The following TSEN2 variants were observed in gnomAD, a reference collection of about 807,000 sequenced individuals.
TSEN2 encodes tRNA-splicing endonuclease subunit Sen2.
TSEN2 carries 54 observed loss-of-function variants against 59.2 expected under a neutral mutation model. The observed-to-expected ratio is 0.91, with a 90% confidence interval of 0.73 to 1.14. The LOEUF (loss-of-function observed/expected upper bound fraction) is 1.14, where lower values mean the gene tolerates loss of function less well. Ranked by LOEUF, TSEN2 falls within the 50% of genes most tolerant of loss-of-function variation. The probability of loss-of-function intolerance (pLI) is 0.00; values close to 1 mark genes in which losing one functional copy is unlikely to be tolerated. For synonymous variants in TSEN2, 195 were observed against 198.2 expected (o/e 0.98, Z 0.14); for missense variants, 636 against 576.2 (o/e 1.10, Z -1.06).
At chr3:12,524,288 C>G (rs891072246) in intron 8 of TSEN2, among the ~76,000 whole-genome samples, 2 of 152,142 alleles carry the variant, frequency 1.3e-5, no homozygotes, top group African/African-American at 4.8e-5. Context: ...CTTTTAGTTT[C>G]CTAGGGCTTA....
chr3:12,480,950 T>C (rs1255505476), upstream of TSEN2, among the ~76,000 whole-genome samples: 2 of 152,178 alleles, frequency 1.3e-5, no homozygotes, highest in African/African-American at 4.8e-5. Context: ...AATGACACCA[T>C]GGGCATGTGC....
At chr3:12,518,781 A>G (rs1165878570) in intron 7 of TSEN2, among the ~76,000 whole-genome samples, 2 of 150,270 alleles carry the variant, frequency 1.3e-5, no homozygotes, top group Admixed American at 6.7e-5. Flanking sequence ...CAGACTAGCT[A>G]TGTATGGCTG....
chr3:12,500,110 G>A (rs967739399), intron 4 of TSEN2, among the ~76,000 whole-genome samples: 1 of 152,130 alleles, frequency 6.6e-6, no homozygotes, highest in East Asian at 1.9e-4. Flanking sequence ...GCTTCCAGTC[G>A]TGGCTGCTGC....
At chr3:12,501,112 C>T (rs1444989825) in intron 4 of TSEN2, among the ~76,000 whole-genome samples, 1 of 152,206 alleles carries the variant, frequency 6.6e-6, no homozygotes, top group African/African-American at 2.4e-5. Flanking sequence ...TTAGACCCCT[C>T]ACATGAAAGT....
intron 4 of TSEN2, among the ~76,000 whole-genome samples, chr3:12,501,588 A>G (rs1224828952): frequency 1.3e-5 from 2 of 152,048 alleles, no homozygotes; most frequent in Non-Finnish European, 2.9e-5. Context: ...GAGATATAGC[A>G]GTTTGTAAAC....
At chr3:12,534,141 A>G (rs2057613513), downstream of TSEN2, among the ~76,000 whole-genome samples, 3 of 152,172 alleles carry the variant, frequency 2.0e-5, no homozygotes, top group African/African-American at 7.2e-5. Flanking sequence ...TTAACAAGGA[A>G]GGCCACCCAC....
chr3:12,521,738 G>A (rs1001132342), intron 8 of TSEN2, among the ~76,000 whole-genome samples: 6 of 151,104 alleles, frequency 4.0e-5, no homozygotes, highest in African/African-American at 4.9e-5. Flanking sequence ...TAGGCTGGGC[G>A]CGGTGGCTCA....
At chr3:12,504,178 G>A (rs1212781402) in intron 5 of TSEN2, among the ~76,000 whole-genome samples, 1 of 152,196 alleles carries the variant, frequency 6.6e-6, no homozygotes, top group Non-Finnish European at 1.5e-5. Context: ...TTACCCTAGA[G>A]CTGTCTGGAA....
intron 3 of TSEN2, among the ~76,000 whole-genome samples, chr3:12,493,387 G>A (rs1219764499): frequency 6.6e-6 from 1 of 152,108 alleles, no homozygotes; most frequent in Non-Finnish European, 1.5e-5. Context: ...CACCAGCAAT[G>A]CACCAAAGGT....
intron 8 of TSEN2, among the ~76,000 whole-genome samples, chr3:12,526,420 A>G (rs974450795): frequency 6.6e-6 from 1 of 152,142 alleles, no homozygotes; most frequent in Non-Finnish European, 1.5e-5. Flanking sequence ...TTGTGTTATA[A>G]TTGTCTACAG....
At chr3:12,529,029 C>T in intron 9 of TSEN2, 105 bp downstream of exon 9, 1 of 1,154,712 alleles carries the variant, frequency 8.7e-7, no homozygotes, top group Non-Finnish European at 1.3e-6. Context: ...CATGTTCTTC[C>T]TGGCCTGATA....
At chr3:12,528,762 A>G (rs2057271596) in intron 8 of TSEN2, 126 bp from the exon 9 acceptor site, 4 of 935,692 alleles carry the variant, frequency 4.3e-6, no homozygotes, top group Non-Finnish European at 6.7e-6. Flanking sequence ...CTGTCTACAT[A>G]TAGATTATTG....
chr3:12,525,899 A>G (rs185404160), intron 8 of TSEN2, among the ~76,000 whole-genome samples: 67 of 152,178 alleles, frequency 4.4e-4, no homozygotes, highest in African/African-American at 1.6e-3. Context: ...AAACATGCGA[A>G]TAATCCGTTG....
Position 12,503,539 on chromosome 3 carries a change from G to A in TSEN2, c.586G>A (p.Gly196Ser), listed in dbSNP as rs1356062096. Residue 196 changes from glycine to serine, a missense_variant, in exon 5 of 12, where the codon GGC (glycine) becomes AGC (serine). By Grantham distance (56) the Gly-to-Ser change is moderately conservative. Coordinates refer to ENST00000284995, the MANE Select transcript of TSEN2 (RefSeq NM_025265.4). The stretch of plus-strand genomic sequence containing the variant: ...TGAGCCATTAGGCTGCCTGCAGGAG[G>A]GCTCTGGCTGCCACCCAACAACAGA... ...PREPLGCLQEGSGCHPTTESF... is the reference protein window; with the variant it reads ...PREPLGCLQESSGCHPTTESF... 1.2e-6 allele frequency: 2 copies of A among 1,612,136 alleles called. No individual in the cohort carries two copies. The highest frequency in any genetic ancestry group is 8.5e-7 in the Non-Finnish European group (1 of 1,178,322).
downstream of TSEN2, among the ~76,000 whole-genome samples, chr3:12,536,749 C>G (rs2057681222): frequency 6.6e-6 from 1 of 152,020 alleles, no homozygotes; most frequent in Admixed American, 6.5e-5. Context: ...GCCTATAATC[C>G]TAGCACTTTG....
intron 8 of TSEN2, among the ~76,000 whole-genome samples, chr3:12,527,039 G>A (rs2057138787): frequency 6.6e-6 from 1 of 152,236 alleles, no homozygotes; most frequent in Non-Finnish European, 1.5e-5. Context: ...ACTTGAAGAG[G>A]CAAAGATTGG....
chr3:12,499,764 A>C (rs2054107878), intron 4 of TSEN2, among the ~76,000 whole-genome samples: 1 of 152,198 alleles, frequency 6.6e-6, no homozygotes, highest in Non-Finnish European at 1.5e-5. Flanking sequence ...TCAGGTCCTC[A>C]CATCACTGCC....
intron 2 of TSEN2, among the ~76,000 whole-genome samples, chr3:12,491,015 G>C (rs114862489): frequency 0.014 from 2,111 of 152,162 alleles, 53 homozygotes; most frequent in African/African-American, 0.046. Flanking sequence ...TTTTGTGACA[G>C]AGTCTTACCC....
chr3:12,485,586 C>A (rs1403543512), intron 1 of TSEN2, among the ~76,000 whole-genome samples: 1 of 152,198 alleles, frequency 6.6e-6, no homozygotes, highest in Non-Finnish European at 1.5e-5. Context: ...TTAAAATCAG[C>A]TGGGTCCACC....
Sources: allele counts gnomAD v4.1 joint callset (sites outside exome capture counted in the v4.1 genomes callset), GRCh38; gene constraint gnomAD v4.1.1; transcripts MANE v1.5; gene names NCBI Gene and HGNC (gene_info 2026-07-23, HGNC 2026-07-21).